The following ARL15 variants were observed in gnomAD, a reference collection of about 807,000 sequenced individuals.
ARL15 encodes the protein ARF like GTPase 15.
A neutral mutation model predicts 25.2 loss-of-function variants in ARL15; 19 were observed. The observed-to-expected ratio is 0.75, with a 90% CI of 0.53 to 1.10. The LOEUF (loss-of-function observed/expected upper bound fraction) is 1.10, where lower values mean the gene tolerates loss of function less well. Among genes scored for constraint, ARL15 ranks in the 50% least tolerant of loss-of-function variants. ARL15 has a pLI of 0.00. For missense variants in ARL15, 220 were observed against 246.0 expected (o/e 0.89, Z 0.71); for synonymous variants, 94 against 86.8 (o/e 1.08, Z -0.46).
At chr5:54,142,875 G>A (rs1753811345) in intron 3 of ARL15, among the ~76,000 whole-genome samples, 1 of 152,112 alleles carries the variant, frequency 6.6e-6, no homozygotes, top group Admixed American at 6.6e-5. Context: ...TTTTCTACTA[G>A]AAGTTTTATT....
At chr5:54,147,484 G>A (rs1475097737) in intron 3 of ARL15, among the ~76,000 whole-genome samples, 1 of 152,094 alleles carries the variant, frequency 6.6e-6, no homozygotes, top group Non-Finnish European at 1.5e-5. Context: ...GGATCTTGAG[G>A]GTATCCTCTA....
intron 3 of ARL15, among the ~76,000 whole-genome samples, chr5:54,122,958 A>G (rs1753128018): frequency 6.6e-6 from 1 of 152,194 alleles, no homozygotes; most frequent in Non-Finnish European, 1.5e-5. Context: ...AATCTGGCAC[A>G]GAGCAGGCCA....
chr5:54,112,526 T>C (rs1752772011), intron 4 of ARL15, among the ~76,000 whole-genome samples: 2 of 152,230 alleles, frequency 1.3e-5, no homozygotes, highest in South Asian at 2.1e-4. Flanking sequence ...ACTTACGTTA[T>C]AATTCACTAT....
chr5:54,119,116 G>T (rs553754124), intron 3 of ARL15, among the ~76,000 whole-genome samples: 1 of 152,102 alleles, frequency 6.6e-6, no homozygotes, highest in African/African-American at 2.4e-5. Context: ...TCAGTAGGAT[G>T]ACCTTCCAAC....
At chr5:54,022,942 G>A (rs1468831815) in intron 4 of ARL15, among the ~76,000 whole-genome samples, 1 of 152,092 alleles carries the variant, frequency 6.6e-6, no homozygotes, top group Non-Finnish European at 1.5e-5. Context: ...GGTTCTCAAT[G>A]TTCTCAAAGA....
chr5:53,923,392 C>T (rs1745916573), intron 4 of ARL15, among the ~76,000 whole-genome samples: 2 of 152,092 alleles, frequency 1.3e-5, no homozygotes, highest in South Asian at 2.1e-4. Context: ...CTGTCCCCAC[C>T]CCACTGCCTC....
At chr5:53,920,905 G>A (rs1235409644) in intron 4 of ARL15, among the ~76,000 whole-genome samples, 1 of 152,066 alleles carries the variant, frequency 6.6e-6, no homozygotes, top group Non-Finnish European at 1.5e-5. Flanking sequence ...CTAAACTTTT[G>A]TGATGTCCCC....
chr5:54,184,940 T>A (rs141860260), intron 1 of ARL15, among the ~76,000 whole-genome samples: 1 of 152,262 alleles, frequency 6.6e-6, no homozygotes, highest in African/African-American at 2.4e-5. Context: ...AATACCATGT[T>A]TTTCCCGTGA....
chr5:53,992,143 C>T (rs748233248), intron 4 of ARL15, among the ~76,000 whole-genome samples: 13 of 152,106 alleles, frequency 8.5e-5, no homozygotes, highest in Non-Finnish European at 1.5e-4. Flanking sequence ...AGGAATGTAG[C>T]GCCATCTAAT....
chr5:54,074,221 A>AGGTCCACT (rs541211390), intron 4 of ARL15, among the ~76,000 whole-genome samples: 352 of 152,362 alleles, frequency 2.3e-3, no homozygotes, highest in African/African-American at 8.1e-3. Flanking sequence ...TTCAAACACC[A>AGGTCCACT]GGTCCACTGC....
Position 53,886,463 on chromosome 5 carries a change from C to T in ARL15, c.*98G>A, listed in dbSNP as rs1459369324. ...TGAAATGACCAGAGGAAAATAGATA[C>T]TGAAGCCAATATAGTCTTGATACCA... On this transcript the variant is annotated 3_prime_UTR_variant, in exon 5 of 5. Transcript: ENST00000504924. 14 of 1,320,024 alleles carry T rather than the reference C, an allele frequency of 1.1e-5. No individual in the cohort carries two copies. Among genetic ancestry groups the T allele is most frequent in the Non-Finnish European group, 1.4e-5 (14 of 983,148 alleles). The allele number at this position is 1,320,024 out of a possible 1,614,324, so 81.8% of individuals were successfully genotyped here. A position where few individuals can be genotyped will look rare whatever the true frequency, so the allele number is the denominator to read the frequency against.
intron 3 of ARL15, among the ~76,000 whole-genome samples, chr5:54,135,659 A>C (rs1753580287): frequency 6.6e-6 from 1 of 152,186 alleles, no homozygotes; most frequent in African/African-American, 2.4e-5. Flanking sequence ...GCATATATAC[A>C]TACTTTCTGA....
chr5:54,065,193 T>G (rs1290809676), intron 4 of ARL15, among the ~76,000 whole-genome samples: 1 of 152,228 alleles, frequency 6.6e-6, no homozygotes, highest in Non-Finnish European at 1.5e-5. Context: ...AAGAGAAGGT[T>G]AAGATTAATT....
intron 1 of ARL15, among the ~76,000 whole-genome samples, chr5:54,296,761 C>T (rs1273917562): frequency 2.0e-5 from 3 of 152,232 alleles, no homozygotes; most frequent in African/African-American, 7.2e-5. Flanking sequence ...TGTGCAGTGT[C>T]TAACAGGCCT....
chr5:54,276,000 C>T (rs530563472), intron 1 of ARL15, among the ~76,000 whole-genome samples: 30 of 152,146 alleles, frequency 2.0e-4, no homozygotes, highest in African/African-American at 7.2e-4. Context: ...ACTTGAACTC[C>T]TGGGCTCAGC....
chr5:54,274,958 A>C lies in ARL15; in HGVS notation c.48+35474T>G, dbSNP rs1335961022. ...AACACATAACCCCTCACTTCTACCC[A>C]CAGAAATAAAACTGCCAGGAACAAC... On this transcript the variant is annotated intron_variant, in intron 1 of 4. Coordinates refer to ENST00000504924, the MANE Select transcript of ARL15 (RefSeq NM_019087.3). 2.0e-5 allele frequency among the ~76,000 whole-genome samples: 3 copies of C among 152,192 alleles called. No homozygotes were observed. The East Asian group carries it at 5.8e-4, about 29-fold the overall frequency.
chr5:54,107,542 GA>G (rs1267150487), intron 4 of ARL15, among the ~76,000 whole-genome samples: 1 of 152,086 alleles, frequency 6.6e-6, no homozygotes, highest in Non-Finnish European at 1.5e-5. Context: ...AGTGAGAAAA[GA>G]GGAGATCTAG....
chr5:54,056,895 A>C (rs1270168164), intron 4 of ARL15, among the ~76,000 whole-genome samples: 1 of 152,200 alleles, frequency 6.6e-6, no homozygotes, highest in Non-Finnish European at 1.5e-5. Context: ...CTCACAGATC[A>C]GCTTTGTGAA....
intron 1 of ARL15, among the ~76,000 whole-genome samples, chr5:54,256,840 T>C (rs1757383408): frequency 6.6e-6 from 1 of 151,870 alleles, no homozygotes; most frequent in South Asian, 2.1e-4. Flanking sequence ...TAAAAAAACA[T>C]GATCATCTCA....
Sources: gnomAD v4.1 joint callset for allele counts (sites outside exome capture counted in the v4.1 genomes callset) on GRCh38, gnomAD v4.1.1 for gene constraint, MANE v1.5 for transcripts, NCBI Gene and HGNC (gene_info 2026-07-23, HGNC 2026-07-21) for gene names.